The following PHF8 variants were observed in gnomAD, a reference collection of about 807,000 sequenced individuals.
PHF8 encodes the protein PHD finger protein 8, also known as histone lysine demethylase PHF8.
Under a neutral mutation model 74.4 loss-of-function variants are expected in PHF8, and 9 were observed. The observed-to-expected ratio is 0.12, with a 90% CI of 0.07 to 0.21. The LOEUF is 0.21. Among genes scored for constraint, PHF8 ranks in the 10% least tolerant of loss-of-function variants. The pLI is 1.00. For synonymous variants in PHF8, 311 were observed against 316.6 expected (o/e 0.98, Z 0.19); for missense variants, 478 against 816.6 (o/e 0.59, Z 5.05).
intron 8 of PHF8, among the ~76,000 whole-genome samples, chrX:54,009,311 CA>C (rs1557106147): frequency 9.0e-6 from 1 of 111,270 alleles, no homozygotes; most frequent in African/African-American, 3.3e-5. Context: ...AGATGTATCT[CA>C]ATTTTTCAAA....
chrX:53,985,083 G>A lies in PHF8; in HGVS notation c.2274C>T (p.Ser758=). The A allele has an allele frequency of 8.3e-7, 1 of 1,211,365 alleles. No individual in the cohort carries two copies. Among genetic ancestry groups the A allele is most frequent in the Non-Finnish European group, 1.1e-6 (1 of 895,269 alleles). ...TAGACACTGTGCCCAGCCCACTGCT[G>A]GAGCTCCCACTGCTTCGATCCTGTC... ...TGGQDRSSGS[S]SSGLGTVSNS... is the part of the protein sequence containing the mutation. Residue 758 remains serine, a synonymous_variant, in exon 18 of 22, where the codon TCC becomes TCT. Coordinates refer to ENST00000338154, the MANE Select transcript of PHF8 (RefSeq NM_015107.3).
intron 18 of PHF8, among the ~76,000 whole-genome samples, chrX:53,963,178 T>TA (rs1446982011): frequency 8.9e-6 from 1 of 112,004 alleles, no homozygotes; most frequent in Non-Finnish European, 1.9e-5. Flanking sequence ...AACATCCATT[T>TA]AGTGAATAAC....
At chrX:53,949,713 G>A (rs1290009600) in intron 19 of PHF8, among the ~76,000 whole-genome samples, 4 of 105,315 alleles carry the variant, frequency 3.8e-5, no homozygotes, top group African/African-American at 1.4e-4. Flanking sequence ...TCAGGAGGCT[G>A]AGGCAGGAGA....
Position 54,002,219 on chromosome X carries a change from G to A in PHF8, c.1077C>T (p.Phe359=). 4 of 1,201,300 alleles carry A rather than the reference G, an allele frequency of 3.3e-6. No homozygotes were observed. The highest frequency in any genetic ancestry group is 4.5e-6 in the Non-Finnish European group (4 of 886,277). The change falls in exon 10 of 22, where the codon TTC becomes TTT. Residue 359 remains phenylalanine, a synonymous_variant. Coordinates refer to ENST00000338154, the MANE Select transcript of PHF8 (RefSeq NM_015107.3). ...IEKRLSTADL[F]RFPNFETICW... Reference sequence around the variant, plus strand: ...AGATGGTCTCAAAGTTGGGGAATCTGAAGAGGTCTGCTGTGCTCAGCCGCT... The same window carrying A: ...AGATGGTCTCAAAGTTGGGGAATCTAAAGAGGTCTGCTGTGCTCAGCCGCT...
intron 18 of PHF8, among the ~76,000 whole-genome samples, chrX:53,965,348 A>G (rs1451230441): frequency 2.7e-5 from 3 of 112,676 alleles, no homozygotes; most frequent in Non-Finnish European, 5.6e-5. Context: ...ATCTCACAAC[A>G]ACAAGGGGTG....
At position 53,938,891 on chromosome X, in the gene PHF8, G is replaced by A. The variant is rs1396500739; in HGVS notation, c.*267C>T. The A allele has an allele frequency of 3.2e-6, 3 of 925,831 alleles. No individual in the cohort carries two copies. The highest frequency in any genetic ancestry group is 2.0e-5 in the African/African-American group (1 of 49,812). 76.3% of individuals were successfully genotyped at this position (925,831 alleles called of 1,213,427 possible). A position where few individuals can be genotyped will look rare whatever the true frequency, so the allele number is the denominator to read the frequency against. On this transcript the variant is annotated 3_prime_UTR_variant, in exon 22 of 22. Coordinates refer to ENST00000338154, the MANE Select transcript of PHF8 (RefSeq NM_015107.3). ...GGCAGGTGACGGGAGTGGTTTGGAC[G>A]AGTAGAAAAGAGGGTTCTAGTCAGC...
chrX:54,001,834 T>A (rs1455967689), intron 10 of PHF8, among the ~76,000 whole-genome samples: 1 of 110,557 alleles, frequency 9.0e-6, no homozygotes, highest in African/African-American at 3.3e-5. Context: ...GAGGATTGCC[T>A]GAGCCCAGGA....
chrX:54,000,970 G>A (rs2065817397), intron 10 of PHF8, among the ~76,000 whole-genome samples: 1 of 112,847 alleles, frequency 8.9e-6, no homozygotes, highest in Admixed American at 9.4e-5. Flanking sequence ...GTATTATGCT[G>A]AGTAAAAAAG....
intron 18 of PHF8, among the ~76,000 whole-genome samples, chrX:53,978,785 G>A (rs1248618099): frequency 1.0e-5 from 1 of 96,498 alleles, no homozygotes; most frequent in Non-Finnish European, 2.0e-5. Context: ...GCGACAGTGC[G>A]AGGCTCCATC....
chrX:54,037,991 G>A (rs1314776595), intron 2 of PHF8, among the ~76,000 whole-genome samples: 1 of 112,429 alleles, frequency 8.9e-6, no homozygotes, highest in Non-Finnish European at 1.9e-5. Flanking sequence ...CCACACCAAA[G>A]TTATTCCCTT....
chrX:53,965,183 GCA>G (rs1323260872), intron 18 of PHF8, among the ~76,000 whole-genome samples: 1 of 111,147 alleles, frequency 9.0e-6, no homozygotes, highest in Non-Finnish European at 1.9e-5. Context: ...ACACACGCAC[GCA>G]CACACACACG....
At chrX:54,006,733 C>T (rs782373147) in intron 8 of PHF8, among the ~76,000 whole-genome samples, 68 of 110,162 alleles carry the variant, frequency 6.2e-4, no homozygotes, top group African/African-American at 2.2e-3. Context: ...GTCTAGAGTT[C>T]GAGACCAGCT....
intron 11 of PHF8, among the ~76,000 whole-genome samples, chrX:53,998,390 G>A (rs1415080439): frequency 9.0e-6 from 1 of 111,494 alleles, no homozygotes; most frequent in Non-Finnish European, 1.9e-5. Flanking sequence ...GGAGGCAGAG[G>A]CTGCAGTGAG....
intron 21 of PHF8, 141 bp from the exon 22 acceptor site, chrX:53,939,387 A>G (rs904091317): frequency 1.1e-4 from 53 of 468,696 alleles, no homozygotes; most frequent in Non-Finnish European, 1.8e-4. Flanking sequence ...TTGGGCAGGA[A>G]GCCCTCCTTA....
chrX:53,972,321 C>CAAAAAAAAAAAAA (rs1236817498), intron 18 of PHF8, among the ~76,000 whole-genome samples: 1 of 34,159 alleles, frequency 2.9e-5, no homozygotes, highest in Non-Finnish European at 5.5e-5. Flanking sequence ...GACGCTGTCT[C>CAAAAAAAAAAAAA]AAAAAAAAAA....
In PHF8 at chrX:53,985,144, G is replaced by T; in HGVS notation, c.2213C>A (p.Pro738Gln). The change falls in exon 18 of 22, where the codon CCG becomes CAG. Residue 738 changes from proline to glutamine, a missense_variant. By Grantham distance (76) the Pro-to-Gln change is moderately conservative. Coordinates refer to ENST00000338154, the MANE Select transcript of PHF8 (RefSeq NM_015107.3). The stretch of plus-strand genomic sequence containing the variant: ...CCAGGCCTGCAGGCTAGAGGTAGCC[G>T]GTGAGGACGATGAGGACTGCAGGTT... ...MANLQSSSSS[P>Q]ATSSLQAWWT... 2 of 1,206,530 alleles carry T rather than the reference G, an allele frequency of 1.7e-6. No individual in the cohort carries two copies. The highest frequency in any genetic ancestry group is 2.2e-6 in the Non-Finnish European group (2 of 892,179).
intron 18 of PHF8, among the ~76,000 whole-genome samples, chrX:53,978,257 G>A (rs1386928147): frequency 9.1e-6 from 1 of 110,184 alleles, no homozygotes; most frequent in Non-Finnish European, 1.9e-5. Context: ...GTGGTTTCCT[G>A]TAAAGTTAAA....
Position 53,981,897 on chromosome X carries a change from A to G in PHF8, c.2443+3017T>C, listed in dbSNP as rs1436530112. Among the ~76,000 whole-genome samples the G allele has an allele frequency of 4.5e-5, 5 of 112,297 alleles. No individual in the cohort carries two copies. In the East Asian group the frequency reaches 8.3e-4, roughly 19 times the overall value. On this transcript the variant is annotated intron_variant, in intron 18 of 21. Transcript: ENST00000338154. ...AGCCGAAATGCCTCTGATGAAAGAT[A>G]GGTCTCCATAAATTAATCCACAAAC...
At chrX:53,979,882 G>A (rs868911171) in intron 18 of PHF8, among the ~76,000 whole-genome samples, 3 of 111,020 alleles carry the variant, frequency 2.7e-5, no homozygotes, top group African/African-American at 9.8e-5. Flanking sequence ...CCAGCTACTC[G>A]GGAGGCTGAG....
Sources: allele counts gnomAD v4.1 joint callset (sites outside exome capture counted in the v4.1 genomes callset), GRCh38; gene constraint gnomAD v4.1.1; transcripts MANE v1.5; gene names NCBI Gene and HGNC (gene_info 2026-07-23, HGNC 2026-07-21).